The following ANO2 variants were observed in gnomAD, a reference collection of about 807,000 sequenced individuals.
ANO2 encodes the protein anoctamin 2.
ANO2 carries 101 observed loss-of-function variants against 124.2 expected under a neutral mutation model. That is an observed-to-expected ratio of 0.81 (90% CI 0.69 to 0.96). The LOEUF (loss-of-function observed/expected upper bound fraction) is 0.96. Ranked by LOEUF, ANO2 falls within the 40% of genes least tolerant of loss-of-function variation. The pLI is 0.00. For missense variants in ANO2, 1,293 were observed against 1,274.5 expected, an observed-to-expected ratio of 1.01 and a Z score of -0.22; for synonymous variants, 486 against 482.5, an observed-to-expected ratio of 1.01 and a Z score of -0.09.
rs529133879 is a variant in ANO2, at chr12:5,578,309, G to C, written c.2386+57C>G. On this transcript the variant is annotated intron_variant, in intron 21 of 24. Coordinates refer to ENST00000682330, the MANE Select transcript of ANO2 (RefSeq NM_001364791.2). ...TCCTGGTGTGGTGTGACTGTGGCCAGAGGGGACAGAATGGCAGAAGGATGG... is the reference window on the plus strand; with the variant it reads ...TCCTGGTGTGGTGTGACTGTGGCCACAGGGGACAGAATGGCAGAAGGATGG... The C allele has an allele frequency of 8.2e-4, 1,302 of 1,582,532 alleles. 31 individuals are homozygous for C. The South Asian group carries it at 0.01, about 13-fold the overall frequency.
At chr12:5,733,073 A>G (rs1239442238) in intron 13 of ANO2, 4 of 650,454 alleles carry the variant, frequency 6.1e-6, no homozygotes, top group Non-Finnish European at 8.3e-6. Context: ...GATGTGCCCC[A>G]CAGCTGGGAG....
rs753059380 is a variant in ANO2 at position 5,577,977 on chromosome 12, C to T, written c.2417G>A (p.Gly806Asp). The change falls in exon 22 of 25, where the codon GGC (glycine) becomes GAC (aspartate). Residue 806 changes from glycine (G) to aspartate (D), a missense_variant. By Grantham distance (94) the Gly-to-Asp change is moderately conservative (BLOSUM62 -1). Transcript: ENST00000682330. ...TACGTTGCTGATAACAGAGAACTTG[C>T]CAATTCCAGAGAGAATGTCAAACCA... ...GIWFDILSGIGKFSVISNAFV... is the reference protein window; with the variant it reads ...GIWFDILSGIDKFSVISNAFV... The T allele has an allele frequency of 1.9e-5, 30 of 1,613,640 alleles. No homozygotes were observed. Among genetic ancestry groups the T allele is most frequent in the Non-Finnish European group, 2.2e-5 (26 of 1,179,790 alleles).
intron 20 of ANO2, among the ~76,000 whole-genome samples, chr12:5,598,410 T>TAA (rs1555094588): frequency 6.6e-6 from 1 of 151,704 alleles, no homozygotes; most frequent in Non-Finnish European, 1.5e-5. Flanking sequence ...CAGGCTGGAG[T>TAA]AGTGACACAA....
At chr12:5,805,999 C>G in intron 9 of ANO2, 53 bp downstream of exon 9, 2 of 1,578,306 alleles carry the variant, frequency 1.3e-6, no homozygotes, top group Non-Finnish European at 1.7e-6. Flanking sequence ...CTTCCACACC[C>G]ACCCGTAGTC....
chr12:5,926,011 T>C (rs1294601146), intron 1 of ANO2, among the ~76,000 whole-genome samples: 2 of 152,206 alleles, frequency 1.3e-5, no homozygotes, highest in African/African-American at 4.8e-5. Flanking sequence ...GCATCTACAC[T>C]TGGATGTTTC....
chr12:5,660,260 C>T (rs576250679), intron 14 of ANO2, among the ~76,000 whole-genome samples: 4 of 151,788 alleles, frequency 2.6e-5, no homozygotes, highest in Non-Finnish European at 4.4e-5. Flanking sequence ...TACCATCATA[C>T]GAACATCTTA....
intron 7 of ANO2, among the ~76,000 whole-genome samples, chr12:5,808,418 C>T (rs566387510): frequency 5.9e-5 from 9 of 152,092 alleles, no homozygotes; most frequent in African/African-American, 4.8e-5. Context: ...CTGTCTGAGT[C>T]GGGATGGTCT....
intron 10 of ANO2, among the ~76,000 whole-genome samples, chr12:5,753,650 G>C (rs931624843): frequency 3.3e-5 from 5 of 151,594 alleles, no homozygotes; most frequent in Non-Finnish European, 7.4e-5. Flanking sequence ...ATTCTTTTTG[G>C]TGCTATTGTG....
In ANO2 at chr12:5,920,689, C is replaced by A. The variant is rs546245855; in HGVS notation, c.534+351G>T. 2.6e-5 allele frequency among the ~76,000 whole-genome samples: 4 copies of A among 152,094 alleles called. No individual in the cohort carries two copies. The South Asian group carries it at 8.3e-4, about 32-fold the overall frequency. On this transcript the variant is annotated intron_variant, in intron 3 of 24. Transcript: ENST00000682330. ...GACCATCCTGGCTAACACGGTGAAA[C>A]CCCGTCTCTACTAAAAAAATACAAA...
chr12:5,708,315 T>C (rs1282977566), intron 14 of ANO2, among the ~76,000 whole-genome samples: 1 of 152,222 alleles, frequency 6.6e-6, no homozygotes, highest in Non-Finnish European at 1.5e-5. Context: ...AATGCAAATC[T>C]GATTACGTAG....
intron 4 of ANO2, among the ~76,000 whole-genome samples, chr12:5,850,378 T>TGCACTCCAGCCTGGGTGACAGAGGG (rs1954841380): frequency 7.2e-6 from 1 of 138,216 alleles, no homozygotes; most frequent in Non-Finnish European, 1.5e-5. Flanking sequence ...ATTGCACCAC[T>TGCACTCCAGCCTGGGTGACAGAGGG]GCACTCCAGC....
At chr12:5,571,928 A>G (rs960190729) in intron 23 of ANO2, among the ~76,000 whole-genome samples, 2 of 152,188 alleles carry the variant, frequency 1.3e-5, no homozygotes, top group Non-Finnish European at 2.9e-5. Flanking sequence ...CGCAGCCCCC[A>G]GAGCACACCT....
At chr12:5,578,770 A>C (rs548184835) in intron 20 of ANO2, among the ~76,000 whole-genome samples, 1 of 152,356 alleles carries the variant, frequency 6.6e-6, no homozygotes, top group East Asian at 1.9e-4. Flanking sequence ...AAGAAAAAAA[A>C]GTCTTAATTG....
chr12:5,732,534 C>A lies in ANO2; in HGVS notation c.1531G>T (p.Glu511Ter). Residue 511 changes from glutamate to a stop codon, truncating the protein, a stop_gained, in exon 14 of 25, where the codon GAG becomes TAG. Coordinates refer to ENST00000682330, the MANE Select transcript of ANO2 (RefSeq NM_001364791.2). LOFTEE classifies it high-confidence loss of function. ...AVQKLETNTTECGDEDDEDKL... is the reference protein window; with the variant it reads ...AVQKLETNTT ...CAGCTTCATACCTCATCGCCACACT[C>A]CGTCGTGTTTGTTTCCAATTTCTGG... 6.2e-7 allele frequency: 1 copy of A among 1,613,196 alleles called. No individual in the cohort carries two copies.
intron 15 of ANO2, among the ~76,000 whole-genome samples, chr12:5,639,031 G>C (rs893358709): frequency 6.6e-6 from 1 of 152,142 alleles, no homozygotes; most frequent in South Asian, 2.1e-4. Flanking sequence ...CTCCGTTCAC[G>C]AGCTTCTGGT....
At chr12:5,820,293 A>G (rs56836212) in intron 7 of ANO2, among the ~76,000 whole-genome samples, 11,742 of 152,216 alleles carry the variant, frequency 0.077, 559 homozygotes, top group East Asian at 0.19. Flanking sequence ...CATTGGGGAA[A>G]GGGATATGAT....
intron 16 of ANO2, among the ~76,000 whole-genome samples, chr12:5,625,604 C>G (rs1274745702): frequency 6.6e-6 from 1 of 152,076 alleles, no homozygotes; most frequent in Non-Finnish European, 1.5e-5. Context: ...TTCTGCTCCC[C>G]AAAACCCAAA....
intron 14 of ANO2, among the ~76,000 whole-genome samples, chr12:5,700,538 A>T (rs552579613): frequency 6.6e-6 from 1 of 152,354 alleles, no homozygotes; most frequent in Non-Finnish European, 1.5e-5. Flanking sequence ...GAACTAGAGA[A>T]GCAAGAGCAA....
chr12:5,922,653 C>G lies in ANO2; in HGVS notation c.174G>C (p.Gln58His). The change falls in exon 2 of 25, where the codon CAG (glutamine) becomes CAC (histidine). Residue 58 changes from glutamine (Q) to histidine (H), a missense_variant. Coordinates refer to ENST00000682330, the MANE Select transcript of ANO2 (RefSeq NM_001364791.2). ...TGCGGGTGCTCTCTCCACCGCAGGG[C>G]TGGCCAGGATCTCTGTTGGAACCGC... ...LQGGSNRDPG[Q>H]PCGGESTRSS... The G allele has an allele frequency of 6.5e-7, 1 of 1,531,940 alleles. No individual in the cohort carries two copies. Among genetic ancestry groups the G allele is most frequent in the Middle Eastern group, 2.0e-4 (1 of 4,980 alleles). The allele number at this position is 1,531,940 out of a possible 1,614,324, so 94.9% of individuals were successfully genotyped here.
Sources: gnomAD v4.1 joint callset for allele counts (sites outside exome capture counted in the v4.1 genomes callset) on GRCh38, gnomAD v4.1.1 for gene constraint, MANE v1.5 for transcripts, NCBI Gene and HGNC (gene_info 2026-07-23, HGNC 2026-07-21) for gene names.